Variants in RAB1A observed in about 807,000 individuals in gnomAD.
RAB1A encodes the protein ras-related protein Rab-1A.
Under a neutral mutation model 26.0 loss-of-function variants are expected in RAB1A, and 2 were observed. The ratio of observed to expected loss-of-function variants is 0.08; its 90% confidence interval spans 0.03 to 0.24. RAB1A has a LOEUF of 0.24. RAB1A is among the 10% of genes least tolerant of loss of function. The probability of loss-of-function intolerance (pLI) is 1.00; values close to 1 mark genes in which losing one functional copy is unlikely to be tolerated. For synonymous variants in RAB1A, 84 were observed against 84.9 expected, an observed-to-expected ratio of 0.99 and a Z score of 0.06; for missense variants, 100 against 247.0, an observed-to-expected ratio of 0.40 and a Z score of 3.99.
intron 1 of RAB1A, among the ~76,000 whole-genome samples, chr2:65,120,199 T>C (rs1344874810): frequency 1.3e-5 from 2 of 152,108 alleles, no homozygotes; most frequent in Non-Finnish European, 2.9e-5. Flanking sequence ...GGCTCACACC[T>C]GTAATCCCAG....
At chr2:65,117,006 A>T (rs751495327) in intron 1 of RAB1A, among the ~76,000 whole-genome samples, 13 of 152,226 alleles carry the variant, frequency 8.5e-5, no homozygotes, top group Non-Finnish European at 1.3e-4. Flanking sequence ...GGGTAAAGTT[A>T]AAAGCCCATT....
chr2:65,128,440 A>G (rs1670154783), intron 1 of RAB1A, among the ~76,000 whole-genome samples: 1 of 152,202 alleles, frequency 6.6e-6, no homozygotes. Context: ...GTGCAAAACC[A>G]ACTTTGTCCT....
chr2:65,089,727 A>C lies in RAB1A; in HGVS notation c.289-657T>G, dbSNP rs1044425948. 4.9e-5 allele frequency among the ~76,000 whole-genome samples: 6 copies of C among 122,280 alleles called. No individual in the cohort carries two copies. The South Asian group carries it at 1.4e-3, about 29-fold the overall frequency. 80.2% of individuals were successfully genotyped at this position (122,280 alleles called of 152,430 possible). On this transcript the variant is annotated intron_variant, in intron 4 of 5. Coordinates refer to ENST00000409784, the MANE Select transcript of RAB1A (RefSeq NM_004161.5). ...ATTTTTTTTTTTTTTTTTTGAGACA[A>C]AGTCTTGTTCTGTCATCCAGGCTGG...
chr2:65,121,235 G>GGA (rs763061086), intron 1 of RAB1A, among the ~76,000 whole-genome samples: 1 of 91,390 alleles, frequency 1.1e-5, no homozygotes, highest in African/African-American at 4.3e-5. Flanking sequence ...ATCATGTCTC[G>GGA]AAAAAAAAAA....
rs1423754294 is a variant in RAB1A at position 65,089,016 on chromosome 2, C to T, written c.343G>A (p.Glu115Lys). The stretch of plus-strand genomic sequence containing the variant: ...CCTACCAACAATTTGTTGACATTTT[C>T]ACTGGCATAACGATCTATTTCCTGC... ...WLQEIDRYAS[E>K]NVNKLLVGNK... The change falls in exon 5 of 6, where the codon GAA (glutamate) becomes AAA (lysine). Residue 115 changes from glutamate to lysine, a missense_variant. Glu to Lys is a moderately conservative substitution (Grantham distance 56). Around this residue, in one of 2 missense-constraint regions of RAB1A, gnomAD observed 67 missense variants for 122.9 expected, o/e 0.55. Coordinates refer to ENST00000409784, the MANE Select transcript of RAB1A (RefSeq NM_004161.5). The T allele has an allele frequency of 6.2e-7, 1 of 1,610,318 alleles. No individual in the cohort carries two copies. The highest frequency in any genetic ancestry group is 1.3e-5 in the African/African-American group (1 of 74,896).
chr2:65,121,184 T>C (rs1324026417), intron 1 of RAB1A, among the ~76,000 whole-genome samples: 1 of 141,082 alleles, frequency 7.1e-6, no homozygotes, highest in East Asian at 2.1e-4. Flanking sequence ...CAGTGAGCCA[T>C]GACTGTGCTA....
intron 1 of RAB1A, among the ~76,000 whole-genome samples, chr2:65,122,703 G>T (rs778121643): frequency 6.6e-6 from 1 of 152,082 alleles, no homozygotes; most frequent in East Asian, 1.9e-4. Context: ...CTGGCCAGAC[G>T]TGGTGGCTCA....
At chr2:65,093,519 A>G (rs1464388801) in intron 3 of RAB1A, among the ~76,000 whole-genome samples, 1 of 152,258 alleles carries the variant, frequency 6.6e-6, no homozygotes, top group Non-Finnish European at 1.5e-5. Context: ...TAATTAAAAT[A>G]TAAATCAACA....
At chr2:65,116,189 A>T (rs1476669027) in intron 1 of RAB1A, among the ~76,000 whole-genome samples, 1 of 152,134 alleles carries the variant, frequency 6.6e-6, no homozygotes. Flanking sequence ...AAATAAAAAT[A>T]AAAATTCAAA....
chr2:65,089,376 C>CTT (rs914960471), intron 4 of RAB1A, among the ~76,000 whole-genome samples: 15 of 146,002 alleles, frequency 1.0e-4, no homozygotes, highest in African/African-American at 2.3e-4. Flanking sequence ...CCACACCTGT[C>CTT]TTTTTTTTTT....
intron 1 of RAB1A, among the ~76,000 whole-genome samples, 192 bp downstream of exon 1, chr2:65,129,701 A>C: frequency 6.7e-6 from 1 of 148,204 alleles, no homozygotes; most frequent in African/African-American, 2.5e-5. Flanking sequence ...CTCCGGCCCG[A>C]CCCCTCCCCC....
chr2:65,092,612 C>G (rs1381321575), intron 3 of RAB1A, among the ~76,000 whole-genome samples: 3 of 152,298 alleles, frequency 2.0e-5, no homozygotes, highest in South Asian at 4.1e-4. Flanking sequence ...GAAGTTACAG[C>G]TGATTAAAGT....
Position 65,105,126 on chromosome 2 carries a change from A to G in RAB1A, c.24-320T>C, listed in dbSNP as rs559481804. ...GCCCAAGATACTTAAAACATTCTAAATAAATCCCACTCCTCTATAGTATTA... is the reference window on the plus strand; with the variant it reads ...GCCCAAGATACTTAAAACATTCTAAGTAAATCCCACTCCTCTATAGTATTA... On this transcript the variant is annotated intron_variant, in intron 1 of 5. Transcript: ENST00000409784. Among the ~76,000 whole-genome samples the G allele has an allele frequency of 2.0e-5, 3 of 152,330 alleles. 1 individual carries two copies. Among genetic ancestry groups the G allele is most frequent in the Admixed American group, 6.5e-5 (1 of 15,288 alleles).
At position 65,124,375 on chromosome 2, in the gene RAB1A, C is replaced by G. The variant is rs151203091; in HGVS notation, c.23+5518G>C. 2.8e-3 allele frequency among the ~76,000 whole-genome samples: 426 copies of G among 152,248 alleles called. 1 individual carries two copies. The highest frequency in any genetic ancestry group is 9.7e-3 in the African/African-American group (403 of 41,540). On this transcript the variant is annotated intron_variant, in intron 1 of 5. Coordinates refer to ENST00000409784, the MANE Select transcript of RAB1A (RefSeq NM_004161.5). ...TCGCTTGAGGCCAGGAGTTTGAGAC[C>G]AGCCTGCACAACATAGGAGGCACAG...
intron 1 of RAB1A, among the ~76,000 whole-genome samples, chr2:65,112,760 C>G (rs1427691863): frequency 6.6e-6 from 1 of 152,162 alleles, no homozygotes; most frequent in Non-Finnish European, 1.5e-5. Flanking sequence ...GCATGAAATA[C>G]AGCAACAAGA....
chr2:65,106,346 C>A, intron 1 of RAB1A: 2 of 309,840 alleles, frequency 6.5e-6, no homozygotes, highest in Non-Finnish European at 1.3e-5. Context: ...AAGTGAAAAC[C>A]ACGTCACAAT....
intron 2 of RAB1A, among the ~76,000 whole-genome samples, chr2:65,100,883 C>T (rs780515117): frequency 1.1e-4 from 16 of 152,032 alleles, no homozygotes; most frequent in South Asian, 2.1e-4. Flanking sequence ...CAGTGGCTCA[C>T]GCCTGTAATC....
In RAB1A at chr2:65,129,998, A is replaced by T. The variant is rs2103897312; in HGVS notation, c.-83T>A. 6.8e-7 allele frequency: 1 copy of T among 1,462,078 alleles called. No homozygotes were observed. Among genetic ancestry groups the T allele is most frequent in the East Asian group, 2.5e-5 (1 of 40,628 alleles). The allele number at this position is 1,462,078 out of a possible 1,614,324, so 90.6% of individuals were successfully genotyped here. ...ACTCTCCGCGCCACGGGTAATCGAA[A>T]GAAAGGAATGAGATAGGCTGTTCCG... On this transcript the variant is annotated 5_prime_UTR_variant, in exon 1 of 6. Coordinates refer to ENST00000409784, the MANE Select transcript of RAB1A (RefSeq NM_004161.5).
intron 1 of RAB1A, among the ~76,000 whole-genome samples, chr2:65,110,887 G>A (rs577965665): frequency 1.5e-4 from 23 of 151,838 alleles, no homozygotes; most frequent in African/African-American, 5.6e-4. Context: ...AGTGAGCTAT[G>A]AACTCACTAC....
Sources: gnomAD v4.1 joint callset for allele counts (sites outside exome capture counted in the v4.1 genomes callset) on GRCh38, gnomAD v4.1.1 for gene constraint, gnomAD v4.1.1 regional missense constraint, MANE v1.5 for transcripts, NCBI Gene and HGNC (gene_info 2026-07-23, HGNC 2026-07-21) for gene names.